TNR: variants seen among roughly 807,000 people sequenced by gnomAD.
TNR encodes the protein tenascin R.
A neutral mutation model predicts 150.4 loss-of-function variants in TNR; 45 were observed. That is an observed-to-expected ratio of 0.30 (90% CI 0.24 to 0.38). The LOEUF (loss-of-function observed/expected upper bound fraction) is 0.38, where lower values mean the gene tolerates loss of function less well. Ranked by LOEUF, TNR falls within the 10% of genes least tolerant of loss-of-function variation. The probability of loss-of-function intolerance (pLI) is 1.00; values close to 1 mark genes in which losing one functional copy is unlikely to be tolerated. For synonymous variants in TNR, 687 were observed against 678.4 expected (o/e 1.01, Z -0.20); for missense variants, 1,544 against 1,759.1 (o/e 0.88, Z 2.19).
At chr1:175,552,162 T>C (rs1369579746) in intron 1 of TNR, among the ~76,000 whole-genome samples, 1 of 152,218 alleles carries the variant, frequency 6.6e-6, no homozygotes, top group Non-Finnish European at 1.5e-5. Context: ...TCCAATTCCA[T>C]GTCGGTAGGT....
chr1:175,481,779 T>C (rs1280110813), intron 2 of TNR, among the ~76,000 whole-genome samples: 2 of 152,190 alleles, frequency 1.3e-5, no homozygotes, highest in African/African-American at 4.8e-5. Flanking sequence ...CCAGCCTTAC[T>C]CTGGTATCCT....
chr1:175,661,992 C>G (rs1665390300), intron 1 of TNR, among the ~76,000 whole-genome samples: 1 of 152,090 alleles, frequency 6.6e-6, no homozygotes, highest in Admixed American at 6.5e-5. Context: ...TCATCCCCAG[C>G]CCCTGACACT....
intron 1 of TNR, among the ~76,000 whole-genome samples, chr1:175,704,251 T>A (rs1042060834): frequency 6.6e-6 from 1 of 152,194 alleles, no homozygotes; most frequent in Non-Finnish European, 1.5e-5. Flanking sequence ...AGTTGTGACT[T>A]AATAGAAAAT....
chr1:175,374,745 C>T (rs918956109), intron 9 of TNR, among the ~76,000 whole-genome samples: 1 of 152,212 alleles, frequency 6.6e-6, no homozygotes, highest in Non-Finnish European at 1.5e-5. Flanking sequence ...TTAGCAAATG[C>T]CACCATGAGG....
chr1:175,440,755 A>G (rs1380286123), intron 2 of TNR, among the ~76,000 whole-genome samples: 10 of 152,162 alleles, frequency 6.6e-5, no homozygotes, highest in African/African-American at 2.2e-4. Flanking sequence ...TGTTAGTCCT[A>G]TTAGATCCTC....
At chr1:175,658,535 A>G (rs1217225099) in intron 1 of TNR, among the ~76,000 whole-genome samples, 3 of 152,240 alleles carry the variant, frequency 2.0e-5, no homozygotes, top group African/African-American at 7.2e-5. Flanking sequence ...AGGCCTGGCC[A>G]GGAACACACA....
intron 1 of TNR, among the ~76,000 whole-genome samples, chr1:175,550,766 G>T (rs912623404): frequency 6.6e-6 from 1 of 151,702 alleles, no homozygotes; most frequent in African/African-American, 2.4e-5. Flanking sequence ...GTCAGAAAAT[G>T]CAGGGAACAG....
At chr1:175,625,798 T>C (rs1228962732) in intron 1 of TNR, among the ~76,000 whole-genome samples, 1 of 152,184 alleles carries the variant, frequency 6.6e-6, no homozygotes, top group East Asian at 1.9e-4. Context: ...CTCTGAGCCT[T>C]CTAGCCCATC....
chr1:175,352,355 T>C (rs970339228), intron 18 of TNR, among the ~76,000 whole-genome samples: 3 of 152,216 alleles, frequency 2.0e-5, no homozygotes, highest in African/African-American at 4.8e-5. Flanking sequence ...AAATGATTAA[T>C]TTAGACCTAA....
chr1:175,493,576 A>G (rs1452043832), intron 2 of TNR, among the ~76,000 whole-genome samples: 1 of 152,258 alleles, frequency 6.6e-6, no homozygotes, highest in Non-Finnish European at 1.5e-5. Flanking sequence ...CTAGCTTTCC[A>G]CAGGACAGCC....
At chr1:175,394,790 G>A (rs1653344187) in intron 5 of TNR, among the ~76,000 whole-genome samples, 2 of 152,222 alleles carry the variant, frequency 1.3e-5, no homozygotes. Flanking sequence ...ACTTGAAGTT[G>A]TGTCAGGTGG....
At chr1:175,656,446 T>G (rs1665180293) in intron 1 of TNR, among the ~76,000 whole-genome samples, 1 of 152,156 alleles carries the variant, frequency 6.6e-6, no homozygotes, top group African/African-American at 2.4e-5. Flanking sequence ...CTCCATTAAT[T>G]CAGCCAGCTC....
chr1:175,724,414 A>G (rs1341399138), intron 1 of TNR, among the ~76,000 whole-genome samples: 1 of 152,216 alleles, frequency 6.6e-6, no homozygotes, highest in Non-Finnish European at 1.5e-5. Context: ...CACTATAATG[A>G]TGACAGTACC....
chr1:175,367,764 C>T (rs1476159053), intron 9 of TNR, among the ~76,000 whole-genome samples: 1 of 152,112 alleles, frequency 6.6e-6, no homozygotes, highest in Non-Finnish European at 1.5e-5. Context: ...GAGCTGAGGC[C>T]ATATGGGGAC....
chr1:175,673,274 T>C (rs1358599122), intron 1 of TNR, among the ~76,000 whole-genome samples: 2 of 152,152 alleles, frequency 1.3e-5, no homozygotes, highest in Non-Finnish European at 2.9e-5. Context: ...AGAGAATGGA[T>C]GAAACAATGG....
chr1:175,550,623 C>T (rs6658617), intron 1 of TNR, among the ~76,000 whole-genome samples: 103,418 of 151,680 alleles, frequency 0.68, 35,504 homozygotes, highest in Admixed American at 0.76. Flanking sequence ...CACATGTATA[C>T]ACACGGATAT....
intron 7 of TNR, among the ~76,000 whole-genome samples, chr1:175,389,260 C>G (rs538339077): frequency 6.6e-6 from 1 of 152,334 alleles, no homozygotes; most frequent in East Asian, 1.9e-4. Flanking sequence ...TCTCCTGACC[C>G]TTCTTCTCCC....
chr1:175,669,493 G>T (rs1665630232), intron 1 of TNR, among the ~76,000 whole-genome samples: 2 of 152,198 alleles, frequency 1.3e-5, no homozygotes, highest in African/African-American at 4.8e-5. Flanking sequence ...TTGCACCAAG[G>T]TTCAGTGATA....
At chr1:175,423,794 T>C (rs1018313068) in intron 2 of TNR, among the ~76,000 whole-genome samples, 1 of 152,016 alleles carries the variant, frequency 6.6e-6, no homozygotes, top group Admixed American at 6.6e-5. Flanking sequence ...CATAATAGGG[T>C]GCAGCTAGGG....
Sources: gnomAD v4.1 joint callset for allele counts (sites outside exome capture counted in the v4.1 genomes callset) on GRCh38, gnomAD v4.1.1 for gene constraint, MANE v1.5 for transcripts, NCBI Gene and HGNC (gene_info 2026-07-23, HGNC 2026-07-21) for gene names.